ADGRG7: variants seen among roughly 807,000 people sequenced by gnomAD.
ADGRG7 encodes the protein adhesion G protein-coupled receptor G7.
Under a neutral mutation model 88.6 loss-of-function variants are expected in ADGRG7, and 82 were observed. The ratio of observed to expected loss-of-function variants is 0.93; its 90% confidence interval spans 0.77 to 1.11. The LOEUF (loss-of-function observed/expected upper bound fraction) is 1.11, where lower values mean the gene tolerates loss of function less well. ADGRG7 is among the 50% of genes most tolerant of loss of function. The pLI is 0.00. For missense variants in ADGRG7, 945 were observed against 953.4 expected, an observed-to-expected ratio of 0.99 and a Z score of 0.12; for synonymous variants, 381 against 345.2, an observed-to-expected ratio of 1.10 and a Z score of -1.15.
At chr3:100,635,641 G>A in intron 4 of ADGRG7, 36 bp from the exon 5 acceptor site, 1 of 1,603,692 alleles carries the variant, frequency 6.2e-7, no homozygotes, top group Non-Finnish European at 8.5e-7. Context: ...ACATAATTGT[G>A]TAAAGCTAGG....
intron 1 of ADGRG7, 124 bp downstream of exon 1, chr3:100,610,095 T>C: frequency 4.3e-6 from 3 of 696,240 alleles, no homozygotes; most frequent in Middle Eastern, 6.0e-4. Context: ...CAAGGTGCCA[T>C]TTATGGGATA....
In ADGRG7 at chr3:100,695,038, C is replaced by T. The variant is rs747933804; in HGVS notation, c.*37C>T. 2.5e-6 allele frequency: 4 copies of T among 1,588,612 alleles called. No individual in the cohort carries two copies. The highest frequency in any genetic ancestry group is 3.4e-6 in the Non-Finnish European group (4 of 1,165,402). On this transcript the variant is annotated 3_prime_UTR_variant, in exon 16 of 16. Transcript: ENST00000273352. Reference sequence around the variant, plus strand: ...TACCTGTTGTGGTCTTTTTAATCACCTCGTTTGAGTTTTATCTGTTTCTCT... The same window carrying T: ...TACCTGTTGTGGTCTTTTTAATCACTTCGTTTGAGTTTTATCTGTTTCTCT...
Position 100,695,020 on chromosome 3 carries a change from T to G in ADGRG7, c.*19T>G. The G allele has an allele frequency of 6.2e-7, 1 of 1,602,166 alleles. No individual in the cohort carries two copies. Among genetic ancestry groups the G allele is most frequent in the Non-Finnish European group, 8.5e-7 (1 of 1,173,222 alleles). On this transcript the variant is annotated 3_prime_UTR_variant, in exon 16 of 16. Transcript: ENST00000273352. The stretch of plus-strand genomic sequence containing the variant: ...CATCTAGACAGTAAAACTTACCTGT[T>G]GTGGTCTTTTTAATCACCTCGTTTG...
chr3:100,662,709 G>A (rs1295088425), intron 14 of ADGRG7, among the ~76,000 whole-genome samples: 1 of 151,302 alleles, frequency 6.6e-6, no homozygotes, highest in Non-Finnish European at 1.5e-5. Context: ...CATGAAGGAG[G>A]GTCCCAGGAA....
chr3:100,654,716 T>C, intron 11 of ADGRG7, 119 bp from the exon 12 acceptor site: 1 of 624,704 alleles, frequency 1.6e-6, no homozygotes. Context: ...ACAACTGGGC[T>C]ATGAACTGAA....
At chr3:100,686,475 C>T (rs568418149) in intron 15 of ADGRG7, among the ~76,000 whole-genome samples, 1 of 152,248 alleles carries the variant, frequency 6.6e-6, no homozygotes, top group Admixed American at 6.5e-5. Flanking sequence ...AACGATATTG[C>T]CTAGGTTTTC....
rs559632068 is a variant in ADGRG7 at position 100,685,643 on chromosome 3, C to T, written c.2137-9101C>T. On this transcript the variant is annotated intron_variant, in intron 15 of 15. Transcript: ENST00000273352. ...TGCAGTGTTTGGTTTTTTGTCCTTG[C>T]GATAGTTTGCTGAGAATGATGGTTT... Among the ~76,000 whole-genome samples the T allele has an allele frequency of 3.8e-3, 581 of 152,010 alleles. 6 individuals carry two copies. Among genetic ancestry groups the T allele is most frequent in the African/African-American group, 0.013 (543 of 41,460 alleles).
At chr3:100,628,636 G>T (rs928995947) in intron 1 of ADGRG7, among the ~76,000 whole-genome samples, 1 of 152,130 alleles carries the variant, frequency 6.6e-6, no homozygotes, top group Non-Finnish European at 1.5e-5. Context: ...GATTAGAGGT[G>T]TGAGCCACTG....
At chr3:100,675,940 A>G (rs919643769) in intron 15 of ADGRG7, among the ~76,000 whole-genome samples, 5 of 152,044 alleles carry the variant, frequency 3.3e-5, no homozygotes, top group African/African-American at 9.7e-5. Flanking sequence ...TTTCTGTGGT[A>G]TCAGTTGTTA....
At chr3:100,625,124 G>A (rs1164776001) in intron 1 of ADGRG7, among the ~76,000 whole-genome samples, 1 of 152,152 alleles carries the variant, frequency 6.6e-6, no homozygotes, top group Non-Finnish European at 1.5e-5. Flanking sequence ...AATTGCTCTT[G>A]GCAGTATGGC....
rs184085617 is a variant in ADGRG7, at chr3:100,687,691, G to A, written c.2137-7053G>A. 2.6e-4 allele frequency among the ~76,000 whole-genome samples: 39 copies of A among 152,294 alleles called. 1 individual carries two copies. Among genetic ancestry groups the A allele is most frequent in the African/African-American group, 4.1e-4 (17 of 41,556 alleles). ...TGCTGGATTATGTTTATTGATTTTC[G>A]TATGTTGAACCAGCTTTGCATCCAA... On this transcript the variant is annotated intron_variant, in intron 15 of 15. Transcript: ENST00000273352.
At chr3:100,683,810 A>G (rs1382643163) in intron 15 of ADGRG7, among the ~76,000 whole-genome samples, 2 of 152,234 alleles carry the variant, frequency 1.3e-5, no homozygotes, top group Admixed American at 6.5e-5. Flanking sequence ...GGTGCTTGTT[A>G]TCTTTAGTTC....
intron 1 of ADGRG7, among the ~76,000 whole-genome samples, chr3:100,618,430 C>T (rs910511963): frequency 6.6e-6 from 1 of 152,208 alleles, no homozygotes; most frequent in African/African-American, 2.4e-5. Flanking sequence ...CAGCTTTCTA[C>T]ATTCGGCTAG....
In ADGRG7 at chr3:100,695,223, A is replaced by T. The variant is rs2095000370; in HGVS notation, c.*222A>T. Reference sequence around the variant, plus strand: ...ACTTGAATAAGGTGAAGAATTTCACACAACATACAAGAGTACCATTGTTCC... The same window carrying T: ...ACTTGAATAAGGTGAAGAATTTCACTCAACATACAAGAGTACCATTGTTCC... On this transcript the variant is annotated 3_prime_UTR_variant, in exon 16 of 16. Transcript: ENST00000273352. The T allele has an allele frequency of 1.9e-6, 1 of 529,252 alleles. No homozygotes were observed. The highest frequency in any genetic ancestry group is 3.5e-5 in the Admixed American group (1 of 28,584). 32.8% of individuals were successfully genotyped at this position (529,252 alleles called of 1,614,324 possible).
At chr3:100,661,339 T>G (rs1405826187) in intron 14 of ADGRG7, among the ~76,000 whole-genome samples, 2 of 152,230 alleles carry the variant, frequency 1.3e-5, no homozygotes, top group African/African-American at 4.8e-5. Context: ...ATAGCAAGCT[T>G]ACAAATAGGT....
At chr3:100,613,117 T>G (rs1327852878) in intron 1 of ADGRG7, among the ~76,000 whole-genome samples, 1 of 152,180 alleles carries the variant, frequency 6.6e-6, no homozygotes, top group Non-Finnish European at 1.5e-5. Context: ...CTTGAACTCC[T>G]GACCTTAAGT....
At chr3:100,648,429 A>C (rs1049749682) in intron 10 of ADGRG7, among the ~76,000 whole-genome samples, 1 of 152,202 alleles carries the variant, frequency 6.6e-6, no homozygotes, top group Non-Finnish European at 1.5e-5. Context: ...AAATAACATA[A>C]AATTTTTGTT....
chr3:100,661,363 C>G (rs1391606560), intron 14 of ADGRG7, among the ~76,000 whole-genome samples: 4 of 152,170 alleles, frequency 2.6e-5, no homozygotes, highest in Non-Finnish European at 4.4e-5. Context: ...CTTAGTAATA[C>G]CAGATGAGTA....
chr3:100,622,098 G>A (rs775952109), intron 1 of ADGRG7, among the ~76,000 whole-genome samples: 98 of 152,064 alleles, frequency 6.4e-4, no homozygotes, highest in Non-Finnish European at 1.1e-3. Flanking sequence ...ACACTCACTC[G>A]CCCATGGCTC....
Sources: gnomAD v4.1 joint callset for allele counts (sites outside exome capture counted in the v4.1 genomes callset) on GRCh38, gnomAD v4.1.1 for gene constraint, MANE v1.5 for transcripts, NCBI Gene and HGNC (gene_info 2026-07-23, HGNC 2026-07-21) for gene names.